The following KLF12 variants were observed in gnomAD, a reference collection of about 807,000 sequenced individuals.
The protein encoded by KLF12 is Krueppel-like factor 12.
A neutral mutation model predicts 37.8 loss-of-function variants in KLF12; 9 were observed. The observed-to-expected ratio is 0.24, with a 90% CI of 0.14 to 0.42. The LOEUF is 0.42. Among genes scored for constraint, KLF12 ranks in the 10% least tolerant of loss-of-function variants. The pLI is 1.00. For missense variants in KLF12, 411 were observed against 516.0 expected (o/e 0.80, Z 1.97); for synonymous variants, 208 against 202.1 (o/e 1.03, Z -0.25).
intron 2 of KLF12, among the ~76,000 whole-genome samples, chr13:73,963,800 A>C (rs1891096591): frequency 6.6e-6 from 1 of 152,232 alleles, no homozygotes; most frequent in South Asian, 2.1e-4. Context: ...ATTACTTGAA[A>C]AAACATTGTT....
chr13:74,049,722 G>C (rs932827825), intron 1 of KLF12, among the ~76,000 whole-genome samples: 1 of 152,268 alleles, frequency 6.6e-6, no homozygotes, highest in Non-Finnish European at 1.5e-5. Flanking sequence ...CAACATTTGA[G>C]AATGAGAGCT....
chr13:73,869,872 G>A (rs1886381216), intron 3 of KLF12, among the ~76,000 whole-genome samples: 1 of 151,804 alleles, frequency 6.6e-6, no homozygotes, highest in Non-Finnish European at 1.5e-5. Flanking sequence ...GTACTGAACA[G>A]TTCTGTGGCC....
intron 6 of KLF12, among the ~76,000 whole-genome samples, chr13:73,730,408 G>C (rs1250127461): frequency 6.6e-6 from 1 of 152,116 alleles, no homozygotes; most frequent in Non-Finnish European, 1.5e-5. Flanking sequence ...AGGAAGTACG[G>C]GCAGGGCTCA....
intron 5 of KLF12, among the ~76,000 whole-genome samples, chr13:73,765,587 A>T (rs1336372580): frequency 6.6e-6 from 1 of 152,204 alleles, no homozygotes; most frequent in Non-Finnish European, 1.5e-5. Context: ...AGTCAATTCA[A>T]AATTTTAGCC....
Position 73,687,067 on chromosome 13 carries a change from G to C in KLF12, c.*8423C>G, listed in dbSNP as rs939427533. 2.6e-5 allele frequency: 4 copies of C among 152,546 alleles called. No individual in the cohort carries two copies. Among genetic ancestry groups the C allele is most frequent in the Non-Finnish European group, 5.9e-5 (4 of 68,012 alleles). 9.4% of individuals were successfully genotyped at this position (152,546 alleles called of 1,614,324 possible). Reference sequence around the variant, plus strand: ...CTAAGTCATTTTAAGTGGCAGGTGGGTATCTTAAAGGTGGTCTGTTCTCAT... The same window carrying C: ...CTAAGTCATTTTAAGTGGCAGGTGGCTATCTTAAAGGTGGTCTGTTCTCAT... On this transcript the variant is annotated 3_prime_UTR_variant, in exon 8 of 8. Transcript: ENST00000377669.
intron 5 of KLF12, 37 bp downstream of exon 5, chr13:73,813,115 G>C: frequency 6.2e-7 from 1 of 1,607,922 alleles, no homozygotes; most frequent in Non-Finnish European, 8.5e-7. Flanking sequence ...TGAACACCTT[G>C]GCAATTCTTA....
chr13:74,152,166 A>C, the KLF12 span, among the ~76,000 whole-genome samples: 8 of 152,224 alleles, frequency 5.3e-5, no homozygotes, highest in Non-Finnish European at 1.2e-4. Flanking sequence ...AGACCACCCA[A>C]CACATTTGCT....
chr13:74,241,022 G>C, the KLF12 span, among the ~76,000 whole-genome samples: 1 of 152,132 alleles, frequency 6.6e-6, no homozygotes, highest in Non-Finnish European at 1.5e-5. Flanking sequence ...GAGGCGCTCT[G>C]CTTTTTAGAG....
At chr13:74,140,862 G>T in the KLF12 span, among the ~76,000 whole-genome samples, 1 of 152,104 alleles carries the variant, frequency 6.6e-6, no homozygotes, top group Admixed American at 6.6e-5. Flanking sequence ...GACCATCCTG[G>T]CTAACATGGT....
At chr13:74,046,036 G>T (rs905119025) in intron 1 of KLF12, among the ~76,000 whole-genome samples, 1 of 152,118 alleles carries the variant, frequency 6.6e-6, no homozygotes, top group South Asian at 2.1e-4. Context: ...CCAGAAATTT[G>T]CCATAGGAAC....
the KLF12 span, among the ~76,000 whole-genome samples, chr13:74,197,904 A>G: frequency 2.2e-3 from 335 of 152,210 alleles, 2 homozygotes; most frequent in East Asian, 0.011. Flanking sequence ...GAGGGCATTG[A>G]TCAGGCTTGC....
At position 74,088,024 on chromosome 13, in the gene KLF12, C is replaced by T. The variant is rs533933652; in HGVS notation, c.-32+45715G>A. Among the ~76,000 whole-genome samples, 167 of 152,056 alleles carry T rather than the reference C, an allele frequency of 1.1e-3. 1 individual carries two copies. The highest frequency in any genetic ancestry group is 3.7e-3 in the African/African-American group (152 of 41,468). ...CTTATTCCTTGAAACTTCACAGGGA[C>T]GAGTGATTGGAGGAGGGAGTGGTAT... On this transcript the variant is annotated intron_variant, in intron 1 of 7. Coordinates refer to ENST00000377669, the MANE Select transcript of KLF12 (RefSeq NM_007249.5).
At chr13:73,739,237 T>TTAATAA (rs138002893) in intron 6 of KLF12, among the ~76,000 whole-genome samples, 7,054 of 143,536 alleles carry the variant, frequency 0.049, 271 homozygotes, top group African/African-American at 0.11. Flanking sequence ...CTGTCTCAAA[T>TTAATAA]TAATAATAAT....
the KLF12 span, among the ~76,000 whole-genome samples, chr13:74,184,991 C>G: frequency 6.6e-6 from 1 of 152,136 alleles, no homozygotes; most frequent in African/African-American, 2.4e-5. Flanking sequence ...GAGGCAAACA[C>G]TTTACCTCAT....
At chr13:74,108,751 T>G (rs370102445) in intron 1 of KLF12, among the ~76,000 whole-genome samples, 1 of 152,190 alleles carries the variant, frequency 6.6e-6, no homozygotes, top group African/African-American at 2.4e-5. Context: ...TATTTACTAT[T>G]GATTAAGTGG....
At chr13:73,849,693 T>G (rs1054060137) in intron 3 of KLF12, among the ~76,000 whole-genome samples, 35 of 152,148 alleles carry the variant, frequency 2.3e-4, no homozygotes, top group Admixed American at 1.3e-4. Flanking sequence ...GAGACACTTC[T>G]GCAAAAAGGA....
chr13:74,252,977 GTCTATCTATCTATCTATCTA>G, the KLF12 span, among the ~76,000 whole-genome samples: 11 of 147,320 alleles, frequency 7.5e-5, no homozygotes, highest in South Asian at 6.6e-4. Flanking sequence ...TCTGTCATCT[GTCTATCTATCTATCTATCTA>G]TCTATCTATC....
At chr13:73,915,059 T>C (rs563373642) in intron 3 of KLF12, among the ~76,000 whole-genome samples, 97 of 152,274 alleles carry the variant, frequency 6.4e-4, no homozygotes, top group African/African-American at 2.3e-3. Context: ...GCTCTCTCTG[T>C]AGGATCCAGG....
chr13:74,057,788 T>C (rs942281401), intron 1 of KLF12, among the ~76,000 whole-genome samples: 18 of 151,142 alleles, frequency 1.2e-4, no homozygotes, highest in African/African-American at 3.9e-4. Flanking sequence ...ATAAGGGAAA[T>C]GAGGAAAAAT....
Sources: gnomAD v4.1 joint callset for allele counts (sites outside exome capture counted in the v4.1 genomes callset) on GRCh38, gnomAD v4.1.1 for gene constraint, MANE v1.5 for transcripts, NCBI Gene and HGNC (gene_info 2026-07-23, HGNC 2026-07-21) for gene names.